The following TEAD1 variants were observed in gnomAD, a reference collection of about 807,000 sequenced individuals.
TEAD1 encodes the protein transcriptional enhancer factor TEF-1.
TEAD1 carries 9 observed loss-of-function variants against 54.9 expected under a neutral mutation model. The ratio of observed to expected loss-of-function variants is 0.16; its 90% CI spans 0.10 to 0.29. The LOEUF is 0.29. Among genes scored for constraint, TEAD1 ranks in the 10% least tolerant of loss-of-function variants. The pLI is 1.00. For missense variants in TEAD1, 387 were observed against 535.9 expected, an observed-to-expected ratio of 0.72 and a Z score of 2.74; for synonymous variants, 200 against 187.8, an observed-to-expected ratio of 1.07 and a Z score of -0.53.
At chr11:12,827,711 G>C (rs1035069707) in intron 3 of TEAD1, among the ~76,000 whole-genome samples, 2 of 152,158 alleles carry the variant, frequency 1.3e-5, no homozygotes, top group African/African-American at 4.8e-5. Flanking sequence ...CACACATCCT[G>C]CTCTCCTATT....
intron 2 of TEAD1, among the ~76,000 whole-genome samples, chr11:12,699,209 A>G (rs551318120): frequency 6.6e-6 from 1 of 152,156 alleles, no homozygotes; most frequent in Non-Finnish European, 1.5e-5. Context: ...GGATCCACAC[A>G]CTAAATTCAT....
chr11:12,892,827 G>A (rs539215668), intron 9 of TEAD1, among the ~76,000 whole-genome samples: 1 of 152,250 alleles, frequency 6.6e-6, no homozygotes, highest in East Asian at 1.9e-4. Context: ...GAGAATGGCT[G>A]TTTGAACAAA....
At chr11:12,910,078 A>T (rs181518633) in intron 10 of TEAD1, among the ~76,000 whole-genome samples, 1 of 152,324 alleles carries the variant, frequency 6.6e-6, no homozygotes, top group East Asian at 1.9e-4. Context: ...ATTGCCAGTG[A>T]CGTGGCAGAC....
intron 3 of TEAD1, among the ~76,000 whole-genome samples, chr11:12,847,004 G>A (rs1475201920): frequency 6.6e-6 from 1 of 152,140 alleles, no homozygotes; most frequent in Non-Finnish European, 1.5e-5. Context: ...CATCCAACAC[G>A]ACTGTGAGCT....
chr11:12,748,273 A>G (rs575137191), intron 2 of TEAD1, among the ~76,000 whole-genome samples: 10 of 152,314 alleles, frequency 6.6e-5, no homozygotes, highest in African/African-American at 2.4e-4. Flanking sequence ...AATCCCTGCA[A>G]TTCTTAGAAA....
intron 3 of TEAD1, among the ~76,000 whole-genome samples, chr11:12,836,604 T>C (rs1303486460): frequency 6.6e-6 from 1 of 152,144 alleles, no homozygotes; most frequent in Non-Finnish European, 1.5e-5. Context: ...TGGTAAACTT[T>C]AGGGGCCTTA....
At chr11:12,861,446 G>A (rs962858353) in intron 3 of TEAD1, among the ~76,000 whole-genome samples, 1 of 152,116 alleles carries the variant, frequency 6.6e-6, no homozygotes, top group Non-Finnish European at 1.5e-5. Flanking sequence ...TTAGCTTCTT[G>A]TCATTGTCCG....
At chr11:12,751,913 C>T (rs1013849946) in intron 2 of TEAD1, among the ~76,000 whole-genome samples, 2 of 152,180 alleles carry the variant, frequency 1.3e-5, no homozygotes, top group African/African-American at 4.8e-5. Context: ...TTGGTGGCTA[C>T]TGAGTAAAGG....
chr11:12,697,154 A>G (rs1943603248), intron 2 of TEAD1, among the ~76,000 whole-genome samples: 1 of 152,026 alleles, frequency 6.6e-6, no homozygotes, highest in Non-Finnish European at 1.5e-5. Context: ...GCCTGGTGGT[A>G]CCACCCCTCC....
At chr11:12,787,184 G>A (rs1303850488) in intron 3 of TEAD1, among the ~76,000 whole-genome samples, 1 of 152,162 alleles carries the variant, frequency 6.6e-6, no homozygotes, top group Admixed American at 6.5e-5. Context: ...GTATCCTCAG[G>A]GGTGGGCCAT....
chr11:12,926,705 T>C (rs1002255565), intron 11 of TEAD1, among the ~76,000 whole-genome samples: 1 of 152,016 alleles, frequency 6.6e-6, no homozygotes, highest in Non-Finnish European at 1.5e-5. Context: ...AGGATTAAAT[T>C]TGGGGAGCAG....
intron 3 of TEAD1, among the ~76,000 whole-genome samples, chr11:12,835,652 A>G (rs1215018731): frequency 3.3e-5 from 5 of 152,038 alleles, no homozygotes; most frequent in African/African-American, 4.8e-5. Flanking sequence ...ACACTTAAGT[A>G]AACAAACTCT....
chr11:12,683,500 A>G (rs926126739), intron 2 of TEAD1, among the ~76,000 whole-genome samples: 4 of 151,950 alleles, frequency 2.6e-5, no homozygotes, highest in African/African-American at 9.7e-5. Context: ...CTCATGATAC[A>G]TCCGAAGAGC....
chr11:12,796,330 G>A (rs953225783), intron 3 of TEAD1, among the ~76,000 whole-genome samples: 13 of 152,176 alleles, frequency 8.5e-5, no homozygotes, highest in Admixed American at 2.6e-4. Flanking sequence ...GGAAATCAGC[G>A]TTGTTGGTCT....
intron 3 of TEAD1, among the ~76,000 whole-genome samples, chr11:12,826,555 T>C (rs1419372055): frequency 6.6e-6 from 1 of 152,156 alleles, no homozygotes; most frequent in East Asian, 1.9e-4. Context: ...TGTGATAAAT[T>C]AGCATGGGAT....
chr11:12,751,754 A>G (rs1015765983), intron 2 of TEAD1, among the ~76,000 whole-genome samples: 14 of 152,218 alleles, frequency 9.2e-5, no homozygotes, highest in African/African-American at 3.4e-4. Context: ...ACTGTAAAAT[A>G]GCATAAATAG....
At chr11:12,766,629 G>C (rs1361839687) in intron 3 of TEAD1, among the ~76,000 whole-genome samples, 3 of 152,182 alleles carry the variant, frequency 2.0e-5, no homozygotes, top group African/African-American at 7.2e-5. Flanking sequence ...CTGCTTGGGA[G>C]CCTAGCCTGT....
chr11:12,678,331 C>G (rs1266443601), intron 2 of TEAD1, among the ~76,000 whole-genome samples: 5 of 152,196 alleles, frequency 3.3e-5, no homozygotes, highest in Non-Finnish European at 5.9e-5. Context: ...ATATTGTAAG[C>G]TTATTCCCCT....
chr11:12,883,086 A>G lies in TEAD1; in HGVS notation c.660A>G (p.Glu220=). 1.2e-6 allele frequency: 2 copies of G among 1,614,058 alleles called. No homozygotes were observed. Among genetic ancestry groups the G allele is most frequent in the Non-Finnish European group, 1.7e-6 (2 of 1,180,026 alleles). Residue 220 remains glutamate (E), a synonymous_variant, in exon 9 of 13, where the codon GAA becomes GAG. Coordinates refer to ENST00000527636, the MANE Select transcript of TEAD1 (RefSeq NM_021961.6). The stretch of plus-strand genomic sequence containing the variant: ...GCACAACCAAGCTTCGCCTGGTGGA[A>G]TTTTCAGCTTTTCTCGAGCAGCAGC...
Sources: gnomAD v4.1 joint callset for allele counts (sites outside exome capture counted in the v4.1 genomes callset) on GRCh38, gnomAD v4.1.1 for gene constraint, MANE v1.5 for transcripts, NCBI Gene and HGNC (gene_info 2026-07-23, HGNC 2026-07-21) for gene names.